Variants in SESN3 observed in about 807,000 individuals in gnomAD.
SESN3 encodes the protein sestrin 3, also known as sestrin-3.
SESN3 carries 21 observed loss-of-function variants against 55.3 expected under a neutral mutation model. That is an observed-to-expected ratio of 0.38 (90% CI 0.27 to 0.55). The LOEUF is 0.55. SESN3 is among the 20% of genes least tolerant of loss of function. SESN3 has a pLI of 0.76. For synonymous variants in SESN3, 181 were observed against 203.1 expected, an observed-to-expected ratio of 0.89 and a Z score of 0.93; for missense variants, 408 against 604.3, an observed-to-expected ratio of 0.68 and a Z score of 3.41.
intron 1 of SESN3, among the ~76,000 whole-genome samples, chr11:95,196,826 T>A (rs979818313): frequency 3.3e-5 from 5 of 152,228 alleles, no homozygotes; most frequent in African/African-American, 1.2e-4. Flanking sequence ...TTTTGCTTTT[T>A]TAAAATTGCA....
intron 7 of SESN3, among the ~76,000 whole-genome samples, chr11:95,178,494 A>G (rs1227115385): frequency 6.6e-6 from 1 of 152,198 alleles, no homozygotes; most frequent in Non-Finnish European, 1.5e-5. Flanking sequence ...GTAAGTGAAT[A>G]AAGCAGACTG....
At position 95,171,635 on chromosome 11, in the gene SESN3, C is replaced by T. The variant is rs573030301; in HGVS notation, c.*1620G>A. 24 of 152,058 alleles carry T rather than the reference C, an allele frequency of 1.6e-4. No homozygotes were observed. In the East Asian group the frequency reaches 3.5e-3, roughly 22 times the overall value. The allele number at this position is 152,058 out of a possible 1,614,324, so 9.4% of individuals were successfully genotyped here. ...AAGTAAGTCTAAAATGAAATATTTG[C>T]GGGAACTCTAACAGAAAATTTTATC... On this transcript the variant is annotated 3_prime_UTR_variant, in exon 10 of 10. Transcript: ENST00000536441.
rs1420128197 is a variant in SESN3, at chr11:95,166,104, G to A, written c.*7151C>T. On this transcript the variant is annotated 3_prime_UTR_variant, in exon 10 of 10. Transcript: ENST00000536441. ...TTTTCAGAATTGAAACTATAAGACC[G>A]CCATTTGACACTGAAACTTGCGTGA... 2.0e-5 allele frequency: 3 copies of A among 151,990 alleles called. No homozygotes were observed. Among genetic ancestry groups the A allele is most frequent in the African/African-American group, 4.8e-5 (2 of 41,394 alleles). The allele number at this position is 151,990 out of a possible 1,614,324, so 9.4% of individuals were successfully genotyped here.
At chr11:95,219,922 C>G (rs752278973) in intron 1 of SESN3, among the ~76,000 whole-genome samples, 3 of 152,094 alleles carry the variant, frequency 2.0e-5, no homozygotes, top group East Asian at 1.9e-4. Context: ...CTGAACATAC[C>G]TGTAATATTA....
chr11:95,184,532 T>C lies in SESN3; in HGVS notation c.825A>G (p.Glu275=), dbSNP rs773997569. The C allele has an allele frequency of 6.2e-7, 1 of 1,613,598 alleles. No homozygotes were observed. The highest frequency in any genetic ancestry group is 8.5e-7 in the Non-Finnish European group (1 of 1,179,710). ...LMERMKRLQE[E]REDEEASQEE... ...CTTGAGACGCCTCTTCATCTTCCCT[T>C]TCTTCTTGAAGTCTTTTCATCCTTT... is the stretch of plus-strand genomic sequence containing the variant. The change falls in exon 6 of 10, where the codon GAA becomes GAG. Residue 275 remains glutamate (E), a synonymous_variant. Transcript: ENST00000536441.
intron 1 of SESN3, among the ~76,000 whole-genome samples, chr11:95,218,597 C>CA (rs908008876): frequency 8.4e-5 from 12 of 143,496 alleles, no homozygotes; most frequent in South Asian, 2.2e-4. Flanking sequence ...TATAATTTTA[C>CA]AAAAAAAACT....
chr11:95,224,452 CT>C (rs1441024196), intron 1 of SESN3: 1 of 440,498 alleles, frequency 2.3e-6, no homozygotes. Flanking sequence ...CAAAGATTAC[CT>C]TGTCCATTAT....
At chr11:95,213,812 A>G (rs1860703198) in intron 1 of SESN3, among the ~76,000 whole-genome samples, 1 of 152,182 alleles carries the variant, frequency 6.6e-6, no homozygotes, top group African/African-American at 2.4e-5. Flanking sequence ...CATGGACCCA[A>G]TCCTATATCT....
chr11:95,223,838 A>C (rs949583235), intron 1 of SESN3, among the ~76,000 whole-genome samples: 2 of 152,190 alleles, frequency 1.3e-5, no homozygotes, highest in Non-Finnish European at 2.9e-5. Flanking sequence ...CACTCTTAAA[A>C]ATTATTGGGG....
intron 1 of SESN3, among the ~76,000 whole-genome samples, chr11:95,228,057 C>T (rs79493401): frequency 3.5e-4 from 54 of 152,186 alleles, no homozygotes; most frequent in African/African-American, 1.3e-3. Flanking sequence ...CCTAAGGTTA[C>T]CAAATTAGGT....
At chr11:95,182,235 A>C (rs2134224104) in intron 6 of SESN3, 1 of 245,910 alleles carries the variant, frequency 4.1e-6, no homozygotes, top group South Asian at 4.0e-5. Context: ...AGCTCTTAAA[A>C]ATTAATTTCT....
chr11:95,188,027 A>G (rs1455539106), intron 4 of SESN3, among the ~76,000 whole-genome samples: 1 of 151,682 alleles, frequency 6.6e-6, no homozygotes, highest in Non-Finnish European at 1.5e-5. Flanking sequence ...AAAAAAAAAA[A>G]AAAAATCACC....
chr11:95,176,196 G>A (rs936567230), intron 8 of SESN3, among the ~76,000 whole-genome samples: 2 of 152,134 alleles, frequency 1.3e-5, no homozygotes, highest in African/African-American at 2.4e-5. Context: ...TAGCAACCTC[G>A]GTAAGAGCAG....
chr11:95,194,195 T>C (rs1860318772), intron 1 of SESN3, among the ~76,000 whole-genome samples: 1 of 151,888 alleles, frequency 6.6e-6, no homozygotes. Flanking sequence ...AATATTTTAG[T>C]ATCCTCATTA....
At chr11:95,193,623 TAATTA>T in intron 1 of SESN3, 101 bp from the exon 2 acceptor site, 1 of 690,162 alleles carries the variant, frequency 1.4e-6, no homozygotes, top group Non-Finnish European at 2.5e-6. Context: ...AGAGAATAAA[TAATTA>T]AATTATGTGA....
rs920629330 is a variant in SESN3 at position 95,170,733 on chromosome 11, T to C, written c.*2522A>G. The C allele has an allele frequency of 6.6e-6, 1 of 152,200 alleles. No homozygotes were observed. The highest frequency in any genetic ancestry group is 1.5e-5 in the Non-Finnish European group (1 of 68,022). 9.4% of individuals were successfully genotyped at this position (152,200 alleles called of 1,614,324 possible). On this transcript the variant is annotated 3_prime_UTR_variant, in exon 10 of 10. Transcript: ENST00000536441. ...TGCATGCTGCGTATTAGTAGGTGCT[T>C]TAGCACCTGCAGAAGTCAATTTTTC...
rs1231731179 is a variant in SESN3 at position 95,193,475 on chromosome 11, G to A, written c.126C>T (p.Ala42=). 1.9e-6 allele frequency: 3 copies of A among 1,592,768 alleles called. No individual in the cohort carries two copies. The highest frequency in any genetic ancestry group is 2.6e-6 in the Non-Finnish European group (3 of 1,162,202). Residue 42 remains alanine (A), a synonymous_variant, in exon 2 of 10, where the codon GCC becomes GCT. Coordinates refer to ENST00000536441, the MANE Select transcript of SESN3 (RefSeq NM_144665.4). ...VSQPLTRGPS[A]FIPEKEVVQA... ...AACTTACTTCCTTCTCTGGAATAAA[G>A]GCACTTGGTCCTCTTGTCAAGGGTT...
Position 95,168,242 on chromosome 11 carries a change from A to G in SESN3, c.*5013T>C, listed in dbSNP as rs536613468. 1 of 152,306 alleles carries G rather than the reference A, an allele frequency of 6.6e-6. No homozygotes were observed. Among genetic ancestry groups the G allele is most frequent in the African/African-American group, 2.4e-5 (1 of 41,558 alleles). The allele number at this position is 152,306 out of a possible 1,614,324, so 9.4% of individuals were successfully genotyped here. On this transcript the variant is annotated 3_prime_UTR_variant, in exon 10 of 10. Transcript: ENST00000536441. ...TTTCCCATTCCACTGAAGGGTTACA[A>G]GTCATTCTGGATTGCTGGAGAATTT...
rs1263607588 is a variant in SESN3 at position 95,167,278 on chromosome 11, A to G, written c.*5977T>C. 7 of 152,184 alleles carry G rather than the reference A, an allele frequency of 4.6e-5. No homozygotes were observed. The highest frequency in any genetic ancestry group is 1.4e-4 in the African/African-American group (6 of 41,438). 9.4% of individuals were successfully genotyped at this position (152,184 alleles called of 1,614,324 possible). A position where few individuals can be genotyped will look rare whatever the true frequency, so the allele number is the denominator to read the frequency against. On this transcript the variant is annotated 3_prime_UTR_variant, in exon 10 of 10. Transcript: ENST00000536441. The stretch of plus-strand genomic sequence containing the variant: ...TTAAGAGGTTAACTTGAGGGGTGCA[A>G]GAAAATAGACTGTTCTAGCAAAATT...
Sources: allele counts gnomAD v4.1 joint callset (sites outside exome capture counted in the v4.1 genomes callset), GRCh38; gene constraint gnomAD v4.1.1; transcripts MANE v1.5; gene names NCBI Gene and HGNC (gene_info 2026-07-23, HGNC 2026-07-21).